KIAA0232: variants seen among roughly 807,000 people sequenced by gnomAD.
KIAA0232 encodes KIAA0232.
A neutral mutation model predicts 122.0 loss-of-function variants in KIAA0232; 27 were observed. The observed-to-expected ratio is 0.22, with a 90% CI of 0.16 to 0.31. The LOEUF (loss-of-function observed/expected upper bound fraction) is 0.31. KIAA0232 is among the 10% of genes least tolerant of loss of function. KIAA0232 has a pLI of 1.00. For missense variants in KIAA0232, 1,551 were observed against 1,634.2 expected, an observed-to-expected ratio of 0.95 and a Z score of 0.88; for synonymous variants, 613 against 587.6, an observed-to-expected ratio of 1.04 and a Z score of -0.63.
intron 1 of KIAA0232, among the ~76,000 whole-genome samples, chr4:6,790,218 AC>A (rs923749325): frequency 2.6e-5 from 4 of 152,048 alleles, no homozygotes; most frequent in African/African-American, 9.7e-5. Context: ...CTAAGTGCTT[AC>A]CTGTTGCCAG....
At position 6,882,299 on chromosome 4, in the gene KIAA0232, C is replaced by T. The variant is rs1255324670; in HGVS notation, c.*1333C>T. 6.6e-6 allele frequency: 1 copy of T among 152,168 alleles called. No individual in the cohort carries two copies. Among genetic ancestry groups the T allele is most frequent in the Non-Finnish European group, 1.5e-5 (1 of 68,028 alleles). The allele number at this position is 152,168 out of a possible 1,614,324, so 9.4% of individuals were successfully genotyped here. A position where few individuals can be genotyped will look rare whatever the true frequency, so the allele number is the denominator to read the frequency against. On this transcript the variant is annotated 3_prime_UTR_variant, in exon 10 of 10. Coordinates refer to ENST00000307659, the MANE Select transcript of KIAA0232 (RefSeq NM_014743.3). ...AACCTAATCTGTGAAATCAGCGTAG[C>T]ATGCCTGGAGCATCAGGAATGGCAG... is the stretch of plus-strand genomic sequence containing the variant.
At chr4:6,841,826 T>C (rs780960317) in intron 3 of KIAA0232, among the ~76,000 whole-genome samples, 2 of 152,156 alleles carry the variant, frequency 1.3e-5, no homozygotes, top group Non-Finnish European at 2.9e-5. Context: ...ATAGAAAACA[T>C]CCCATGTTTG....
At position 6,824,472 on chromosome 4, in the gene KIAA0232, G is replaced by T. The variant is rs991680294; in HGVS notation, c.19G>T (p.Val7Phe). ...TAAATTCATGTACCCTATCTGTACA[G>T]TTGTTGTGGATGGTTTGCCATCTGA... Reference protein sequence around the residue: MYPICTVVVDGLPSESS... With the variant: MYPICTFVVDGLPSESS... Residue 7 changes from valine (V) to phenylalanine (F), a missense_variant, in exon 3 of 10, where the codon GTT (valine) becomes TTT (phenylalanine). Physicochemically the swap from Val to Phe is conservative, Grantham distance 50. Coordinates refer to ENST00000307659, the MANE Select transcript of KIAA0232 (RefSeq NM_014743.3). 3.1e-6 allele frequency: 5 copies of T among 1,614,022 alleles called. No individual in the cohort carries two copies. Among genetic ancestry groups the T allele is most frequent in the Non-Finnish European group, 4.2e-6 (5 of 1,179,986 alleles).
intron 3 of KIAA0232, among the ~76,000 whole-genome samples, chr4:6,825,583 G>C (rs1718636254): frequency 6.6e-6 from 1 of 151,854 alleles, no homozygotes; most frequent in African/African-American, 2.4e-5. Flanking sequence ...GAGAGAGAGA[G>C]AGAGAGAGAG....
At chr4:6,864,441 T>G (rs1249139358) in intron 7 of KIAA0232, among the ~76,000 whole-genome samples, 3 of 152,170 alleles carry the variant, frequency 2.0e-5, no homozygotes, top group Non-Finnish European at 4.4e-5. Flanking sequence ...TGTGTTGTCT[T>G]AAGATGCATG....
At position 6,835,278 on chromosome 4, in the gene KIAA0232, A is replaced by G. The variant is rs539768298; in HGVS notation, c.232-6789A>G. Reference sequence around the variant, plus strand: ...CTTTTACCACCGAGCCTTGAAAGTCACATAGAATCACTTCCATTGCACTCT... The same window carrying G: ...CTTTTACCACCGAGCCTTGAAAGTCGCATAGAATCACTTCCATTGCACTCT... On this transcript the variant is annotated intron_variant, in intron 3 of 9. Transcript: ENST00000307659. Among the ~76,000 whole-genome samples the G allele has an allele frequency of 3.3e-5, 5 of 152,250 alleles. No individual in the cohort carries two copies. The South Asian group carries it at 8.3e-4, about 25-fold the overall frequency.
At chr4:6,879,269 C>A (rs560093216) in intron 9 of KIAA0232, among the ~76,000 whole-genome samples, 4 of 152,282 alleles carry the variant, frequency 2.6e-5, no homozygotes, top group Admixed American at 2.6e-4. Context: ...GTACTGTTGT[C>A]ATGCCTGTTC....
intron 3 of KIAA0232, among the ~76,000 whole-genome samples, chr4:6,834,802 C>T (rs1719176984): frequency 6.6e-6 from 1 of 151,886 alleles, no homozygotes; most frequent in African/African-American, 2.4e-5. Context: ...ATAGAATGAA[C>T]CTGGATTTGT....
chr4:6,824,853 G>A (rs1468329743), intron 3 of KIAA0232, among the ~76,000 whole-genome samples, 169 bp downstream of exon 3: 1 of 152,190 alleles, frequency 6.6e-6, no homozygotes, highest in Non-Finnish European at 1.5e-5. Flanking sequence ...CAATCAGCCT[G>A]TGTCATTGAG....
intron 3 of KIAA0232, 65 bp from the exon 4 acceptor site, chr4:6,842,002 G>A: frequency 1.3e-6 from 2 of 1,571,820 alleles, no homozygotes; most frequent in South Asian, 2.3e-5. Flanking sequence ...AGTGTGTGTG[G>A]TAGGTGGAAC....
intron 1 of KIAA0232, among the ~76,000 whole-genome samples, chr4:6,796,596 A>G (rs375615872): frequency 2.6e-5 from 4 of 152,360 alleles, no homozygotes; most frequent in African/African-American, 7.2e-5. Flanking sequence ...AAGCTCTAAC[A>G]TAGCCTATCT....
chr4:6,865,204 T>G (rs1426344056), intron 7 of KIAA0232, among the ~76,000 whole-genome samples: 1 of 152,234 alleles, frequency 6.6e-6, no homozygotes, highest in African/African-American at 2.4e-5. Context: ...ATAAACTGTT[T>G]CACAAAAAAA....
At chr4:6,816,979 C>G (rs1056741609) in intron 2 of KIAA0232, among the ~76,000 whole-genome samples, 21 of 152,146 alleles carry the variant, frequency 1.4e-4, no homozygotes, top group Admixed American at 5.2e-4. Context: ...TATGTCTTCT[C>G]TCTTTCCTGA....
chr4:6,866,669 T>C (rs1721197208), intron 7 of KIAA0232, among the ~76,000 whole-genome samples: 1 of 152,206 alleles, frequency 6.6e-6, no homozygotes, highest in African/African-American at 2.4e-5. Flanking sequence ...ACTTAGATGA[T>C]GAAAATGTAG....
At chr4:6,793,550 C>G (rs1406917357) in intron 1 of KIAA0232, among the ~76,000 whole-genome samples, 1 of 152,180 alleles carries the variant, frequency 6.6e-6, no homozygotes, top group Non-Finnish European at 1.5e-5. Flanking sequence ...TTAAGCTCAT[C>G]ATAGGCGAGT....
Position 6,800,176 on chromosome 4 carries a change from G to A in KIAA0232, c.-353-4347G>A, listed in dbSNP as rs1266325450. 2.1e-5 allele frequency among the ~76,000 whole-genome samples: 3 copies of A among 144,496 alleles called. No homozygotes were observed. In the Admixed American group the frequency reaches 2.1e-4, roughly 10 times the overall value. 94.8% of individuals were successfully genotyped at this position (144,496 alleles called of 152,430 possible). ...GGGTTCAAGTGATTCTCCTGCCTCA[G>A]CCTCCCGAGTAGCTAGTATTACAGG... is the stretch of plus-strand genomic sequence containing the variant. On this transcript the variant is annotated intron_variant, in intron 1 of 9. Coordinates refer to ENST00000307659, the MANE Select transcript of KIAA0232 (RefSeq NM_014743.3).
intron 8 of KIAA0232, among the ~76,000 whole-genome samples, chr4:6,875,797 C>G (rs1008928771): frequency 6.6e-6 from 1 of 152,196 alleles, no homozygotes; most frequent in Non-Finnish European, 1.5e-5. Context: ...CCTCCTTTTA[C>G]TCTGCACTGT....
chr4:6,870,710 G>A (rs1014227433), intron 7 of KIAA0232, among the ~76,000 whole-genome samples: 5 of 151,806 alleles, frequency 3.3e-5, no homozygotes, highest in Non-Finnish European at 4.4e-5. Context: ...GCTAAGGCAC[G>A]AGAATCATTT....
At position 6,863,488 on chromosome 4, in the gene KIAA0232, G is replaced by T; in HGVS notation, c.3106G>T (p.Glu1036Ter). 1 of 1,614,148 alleles carries T rather than the reference G, an allele frequency of 6.2e-7. No individual in the cohort carries two copies. The highest frequency in any genetic ancestry group is 1.1e-5 in the South Asian group (1 of 91,068). ...CTTTCAAGTCGAAGATCCTGGACTT[G>T]AATACTCATTTTCTTCCTTTGACTT... is the stretch of plus-strand genomic sequence containing the variant. ...GNFQVEDPGL[E>*]YSFSSFDLSN... The change falls in exon 7 of 10, where the codon GAA becomes TAA. Residue 1036 changes from glutamate to a stop codon, truncating the protein, a stop_gained. Coordinates refer to ENST00000307659, the MANE Select transcript of KIAA0232 (RefSeq NM_014743.3). LOFTEE classifies it high-confidence loss of function.
Sources: gnomAD v4.1 joint callset for allele counts (sites outside exome capture counted in the v4.1 genomes callset) on GRCh38, gnomAD v4.1.1 for gene constraint, MANE v1.5 for transcripts, NCBI Gene and HGNC (gene_info 2026-07-23, HGNC 2026-07-21) for gene names.